NRP2: variants seen among roughly 807,000 people sequenced by gnomAD.
NRP2 encodes neuropilin-2.
Under a neutral mutation model 110.4 loss-of-function variants are expected in NRP2, and 52 were observed. The ratio of observed to expected loss-of-function variants is 0.47; its 90% confidence interval spans 0.38 to 0.59. The LOEUF (loss-of-function observed/expected upper bound fraction) is 0.59, where lower values mean the gene tolerates loss of function less well. Ranked by LOEUF, NRP2 falls within the 20% of genes least tolerant of loss-of-function variation. The pLI, the probability that NRP2 is intolerant of heterozygous loss-of-function variation, is 0.00. For synonymous variants in NRP2, 508 were observed against 468.9 expected (o/e 1.08, Z -1.08); for missense variants, 1,049 against 1,203.0 (o/e 0.87, Z 1.89).
intron 15 of NRP2, chr2:205,777,481 C>T (rs577439706): frequency 6.6e-6 from 1 of 152,140 alleles, no homozygotes; most frequent in African/African-American, 2.4e-5. Flanking sequence ...TAGAGAATAA[C>T]AAGTCTGGGA....
chr2:205,734,539 C>T (rs1245061670), intron 7 of NRP2, among the ~76,000 whole-genome samples: 2 of 152,076 alleles, frequency 1.3e-5, no homozygotes, highest in East Asian at 3.9e-4. Context: ...AGAGCAGATG[C>T]AAGGGAAGGG....
At chr2:205,723,262 A>G (rs1197763365) in intron 4 of NRP2, among the ~76,000 whole-genome samples, 1 of 152,240 alleles carries the variant, frequency 6.6e-6, no homozygotes, top group African/African-American at 2.4e-5. Flanking sequence ...GAAGACCAAC[A>G]TGGATCTTGG....
chr2:205,739,922 GCAA>G, intron 7 of NRP2: 1 of 190,768 alleles, frequency 5.2e-6, no homozygotes, highest in South Asian at 1.0e-4. Context: ...AGGACTGTCT[GCAA>G]CCCTGACCCT....
chr2:205,724,890 C>T (rs2057098162), intron 5 of NRP2, among the ~76,000 whole-genome samples: 2 of 152,062 alleles, frequency 1.3e-5, no homozygotes, highest in Non-Finnish European at 1.5e-5. Flanking sequence ...TGGTCTCGAA[C>T]TCCTGCCCTC....
intron 11 of NRP2, 44 bp from the exon 12 acceptor site, chr2:205,752,791 C>A (rs1320495871): frequency 1.2e-6 from 2 of 1,610,844 alleles, no homozygotes; most frequent in South Asian, 2.2e-5. Flanking sequence ...TTCTCTGAAC[C>A]CATTTCATTT....
At chr2:205,790,958 C>T (rs1025724023) in intron 15 of NRP2, among the ~76,000 whole-genome samples, 21 of 152,154 alleles carry the variant, frequency 1.4e-4, no homozygotes, top group African/African-American at 5.1e-4. Flanking sequence ...TTTGTGCATC[C>T]CTTACTAGGG....
At chr2:205,688,706 G>T (rs963635314) in intron 1 of NRP2, among the ~76,000 whole-genome samples, 1 of 152,178 alleles carries the variant, frequency 6.6e-6, no homozygotes, top group African/African-American at 2.4e-5. Flanking sequence ...ACCTTTGGCA[G>T]ACCAGCTGTG....
At position 205,763,139 on chromosome 2, in the gene NRP2, A is replaced by G. The variant is rs2057851558; in HGVS notation, c.2045-535A>G. ...ATCATCTAGGAGCACTGATGGAGAC[A>G]GAAGGTTTTAAATGTCAGCCATTTG... On this transcript the variant is annotated intron_variant, in intron 12 of 16. Transcript: ENST00000357785. This position sits in a 1 kb window ranked among gnomAD's most constrained non-coding sequence, Gnocchi z 4.0. Among the ~76,000 whole-genome samples the G allele has an allele frequency of 6.6e-6, 1 of 152,168 alleles. No individual in the cohort carries two copies. The highest frequency in any genetic ancestry group is 2.4e-5 in the African/African-American group (1 of 41,426).
chr2:205,760,271 C>T (rs1425036598), intron 12 of NRP2, among the ~76,000 whole-genome samples: 1 of 152,148 alleles, frequency 6.6e-6, no homozygotes, highest in Admixed American at 6.5e-5. Context: ...CATGATGTCC[C>T]TGGTTCTAAT....
intron 5 of NRP2, among the ~76,000 whole-genome samples, 195 bp downstream of exon 5, chr2:205,724,135 G>A (rs986165373): frequency 4.1e-5 from 6 of 145,968 alleles, no homozygotes; most frequent in Admixed American, 7.0e-5. Context: ...TTCAATCTGG[G>A]TGCTTCTTTC....
intron 15 of NRP2, chr2:205,776,127 C>T (rs770081448): frequency 9.8e-7 from 1 of 1,020,318 alleles, no homozygotes; most frequent in Admixed American, 1.7e-5. Context: ...ACCTTAGTCC[C>T]CCAGACCCTT....
intron 5 of NRP2, among the ~76,000 whole-genome samples, chr2:205,724,970 C>T (rs140789153): frequency 1.3e-5 from 2 of 152,196 alleles, no homozygotes; most frequent in African/African-American, 4.8e-5. Flanking sequence ...TCCAGCCCCA[C>T]ATAACTTTAA....
chr2:205,702,515 T>A (rs2056581707), intron 2 of NRP2, among the ~76,000 whole-genome samples: 2 of 152,202 alleles, frequency 1.3e-5, no homozygotes, highest in Admixed American at 6.5e-5. Context: ...ATTCTGCATA[T>A]TTAAGGTTTT....
chr2:205,780,969 T>C (rs773690213), intron 15 of NRP2, among the ~76,000 whole-genome samples: 1 of 152,248 alleles, frequency 6.6e-6, no homozygotes, highest in Non-Finnish European at 1.5e-5. Context: ...CTAAATAACA[T>C]TTGGCTTTCC....
chr2:205,714,001 A>C (rs2056847016), intron 2 of NRP2, among the ~76,000 whole-genome samples: 1 of 152,144 alleles, frequency 6.6e-6, no homozygotes, highest in South Asian at 2.1e-4. Flanking sequence ...ACCTCTGCTC[A>C]TTTGTTCCAT....
chr2:205,767,637 T>C (rs2057948780), intron 15 of NRP2: 1 of 269,658 alleles, frequency 3.7e-6, no homozygotes, highest in Non-Finnish European at 7.5e-6. Context: ...GCTGTTACAA[T>C]GCAGCAGATT....
intron 12 of NRP2, chr2:205,756,609 C>G (rs939281338): frequency 6.6e-6 from 1 of 152,206 alleles, no homozygotes; most frequent in Non-Finnish European, 1.5e-5. Context: ...AGACAGGGCA[C>G]GTCACTGTAT....
At chr2:205,687,958 C>T (rs1218942267) in intron 1 of NRP2, among the ~76,000 whole-genome samples, 1 of 152,198 alleles carries the variant, frequency 6.6e-6, no homozygotes, top group East Asian at 1.9e-4. Flanking sequence ...TTTCATTTCA[C>T]TCAAGTCTTC....
At chr2:205,700,741 C>T (rs529018456) in intron 2 of NRP2, 35 of 519,004 alleles carry the variant, frequency 6.7e-5, no homozygotes, top group South Asian at 9.8e-5. Flanking sequence ...ACTCACAAGC[C>T]GCAGCTTTGC....
Sources: allele counts gnomAD v4.1 joint callset (sites outside exome capture counted in the v4.1 genomes callset), GRCh38; gene constraint gnomAD v4.1.1; non-coding constraint Gnocchi (gnomAD v3.1); transcripts MANE v1.5; gene names NCBI Gene and HGNC (gene_info 2026-07-23, HGNC 2026-07-21).